Variants in DOCK11 observed in about 807,000 individuals in gnomAD.
DOCK11 encodes dedicator of cytokinesis 11, also known as dedicator of cytokinesis protein 11.
A neutral mutation model predicts 169.1 loss-of-function variants in DOCK11; 70 were observed. That is an observed-to-expected ratio of 0.41 (90% confidence interval 0.34 to 0.51). The LOEUF is 0.51. Among genes scored for constraint, DOCK11 ranks in the 20% least tolerant of loss-of-function variants. DOCK11 has a pLI of 0.10. For missense variants in DOCK11, 1,166 were observed against 1,538.8 expected (o/e 0.76, Z 4.05); for synonymous variants, 529 against 541.3 (o/e 0.98, Z 0.32).
intron 1 of DOCK11, chrX:118,538,715 G>A: frequency 1.3e-6 from 1 of 742,163 alleles, no homozygotes; most frequent in Non-Finnish European, 1.6e-6. Context: ...TTATTGTAAC[G>A]GGTTTTTGGA....
intron 1 of DOCK11, among the ~76,000 whole-genome samples, chrX:118,533,248 T>C (rs1046618157): frequency 9.0e-6 from 1 of 111,640 alleles, no homozygotes; most frequent in Non-Finnish European, 1.9e-5. Context: ...CACCACGGCC[T>C]CCCAAAGTGC....
At chrX:118,671,871 G>A (rs1206821269) in intron 46 of DOCK11, among the ~76,000 whole-genome samples, 1 of 112,064 alleles carries the variant, frequency 8.9e-6, no homozygotes, top group Non-Finnish European at 1.9e-5. Flanking sequence ...TAGAGACGGG[G>A]TTTCACCATG....
At chrX:118,552,337 C>T (rs367726075) in intron 6 of DOCK11, among the ~76,000 whole-genome samples, 60 of 111,679 alleles carry the variant, frequency 5.4e-4, no homozygotes, top group African/African-American at 1.9e-3. Context: ...TTCAAGTCGA[C>T]AGTTCTTGCA....
At chrX:118,545,274 T>G (rs768026226) in intron 4 of DOCK11, 49 bp from the exon 5 acceptor site, 2 of 919,186 alleles carry the variant, frequency 2.2e-6, no homozygotes, top group East Asian at 6.7e-5. Flanking sequence ...TGTTTTTCTT[T>G]TTTTTTTTGG....
chrX:118,527,211 A>T (rs774213702), intron 1 of DOCK11, among the ~76,000 whole-genome samples: 8 of 112,353 alleles, frequency 7.1e-5, no homozygotes, highest in African/African-American at 2.6e-4. Flanking sequence ...AACAACTTCT[A>T]CTGGTTTTAT....
At chrX:118,623,986 A>G (rs916378506) in intron 31 of DOCK11, among the ~76,000 whole-genome samples, 1 of 113,017 alleles carries the variant, frequency 8.8e-6, no homozygotes, top group Admixed American at 9.3e-5. Context: ...AAATATATCA[A>G]TCTCCCAAGT....
rs745932364 is a variant in DOCK11, at chrX:118,612,959, A to G, written c.3097-1733A>G. Among the ~76,000 whole-genome samples the G allele has an allele frequency of 3.6e-5, 4 of 111,625 alleles. No individual in the cohort carries two copies. In the South Asian group the frequency reaches 1.5e-3, roughly 42 times the overall value. On this transcript the variant is annotated intron_variant, in intron 28 of 52. Coordinates refer to ENST00000276202, the MANE Select transcript of DOCK11 (RefSeq NM_144658.4). ...GCTGGTATGATAGATGAAGTGAGGA[A>G]GAGACTCGAGTCAGGGCAACCGATT... is the stretch of plus-strand genomic sequence containing the variant.
intron 10 of DOCK11, among the ~76,000 whole-genome samples, chrX:118,568,896 T>C (rs2013172652): frequency 9.0e-6 from 1 of 111,179 alleles, no homozygotes; most frequent in Non-Finnish European, 1.9e-5. Context: ...GAAGACGAAA[T>C]TTTTTGGCTT....
intron 38 of DOCK11, among the ~76,000 whole-genome samples, chrX:118,640,369 G>T (rs1181421444): frequency 8.9e-6 from 1 of 112,225 alleles, no homozygotes; most frequent in Non-Finnish European, 1.9e-5. Flanking sequence ...GCTAGACCCT[G>T]AACTAATAGA....
At position 118,608,326 on chromosome X, in the gene DOCK11, A is replaced by G. The variant is rs1464245170; in HGVS notation, c.2847A>G (p.Ala949=). 2 of 1,209,592 alleles carry G rather than the reference A, an allele frequency of 1.7e-6. No homozygotes were observed. Among genetic ancestry groups the G allele is most frequent in the Non-Finnish European group, 2.2e-6 (2 of 894,919 alleles). ...TGATAGCAATATTGAAACAGTCTGC[A>G]GATTTTTTATCAATAAACAAATTGC... ...TTMIAILKQS[A]DFLSINKLLK... is the part of the protein sequence containing the mutation. The change falls in exon 26 of 53, where the codon GCA becomes GCG. Residue 949 remains alanine (A), a synonymous_variant. Coordinates refer to ENST00000276202, the MANE Select transcript of DOCK11 (RefSeq NM_144658.4).
chrX:118,610,363 C>T lies in DOCK11; in HGVS notation c.3041C>T (p.Ala1014Val), dbSNP rs759590551. ...AIIPHVTIRY[A>V]EIPDESRNVN... Reference sequence around the variant, plus strand: ...ATTCCCCATGTGACTATTCGGTATGCGGAGATTCCCGATGAGTCCAGAAAT... The same window carrying T: ...ATTCCCCATGTGACTATTCGGTATGTGGAGATTCCCGATGAGTCCAGAAAT... The change falls in exon 28 of 53, where the codon GCG becomes GTG. Residue 1014 changes from alanine to valine, a missense_variant. By Grantham distance (64) the Ala-to-Val change is moderately conservative (BLOSUM62 0). Coordinates refer to ENST00000276202, the MANE Select transcript of DOCK11 (RefSeq NM_144658.4). 82 of 1,210,699 alleles carry T rather than the reference C, an allele frequency of 6.8e-5. No homozygotes were observed. The highest frequency in any genetic ancestry group is 1.1e-4 in the Admixed American group (5 of 45,901).
chrX:118,556,683 G>A (rs539691179), intron 6 of DOCK11, among the ~76,000 whole-genome samples: 1 of 106,709 alleles, frequency 9.4e-6, no homozygotes, highest in African/African-American at 3.4e-5. Flanking sequence ...CTTGAATCCG[G>A]GAGGCAGAGG....
chrX:118,642,440 C>T (rs777966287), intron 39 of DOCK11, among the ~76,000 whole-genome samples: 1 of 112,159 alleles, frequency 8.9e-6, no homozygotes, highest in East Asian at 2.8e-4. Flanking sequence ...ATACCTGAAA[C>T]TGGTGAATTT....
intron 18 of DOCK11, among the ~76,000 whole-genome samples, chrX:118,589,850 C>A (rs1470021476): frequency 4.4e-5 from 5 of 112,446 alleles, no homozygotes; most frequent in African/African-American, 1.6e-4. Context: ...TGAGGGGGAG[C>A]CTCTCATATT....
chrX:118,602,094 CT>C (rs536697143), intron 23 of DOCK11, among the ~76,000 whole-genome samples: 2,790 of 74,617 alleles, frequency 0.037, 127 homozygotes, highest in African/African-American at 0.11. Flanking sequence ...CCGGCCAAGA[CT>C]TTTTTTTTTT....
At chrX:118,671,606 A>C (rs1339650774) in intron 46 of DOCK11, among the ~76,000 whole-genome samples, 3 of 112,215 alleles carry the variant, frequency 2.7e-5, no homozygotes, top group Non-Finnish European at 5.6e-5. Context: ...ATATTCATTT[A>C]TGTTTTCCAA....
chrX:118,584,878 C>T (rs1192195242), intron 15 of DOCK11, 21 bp downstream of exon 15: 3 of 1,179,082 alleles, frequency 2.5e-6, no homozygotes, highest in Non-Finnish European at 3.4e-6. Flanking sequence ...GGTGTTTCTG[C>T]AATAAGTAAA....
chrX:118,509,668 A>G (rs899649447), intron 1 of DOCK11, among the ~76,000 whole-genome samples: 2 of 112,472 alleles, frequency 1.8e-5, no homozygotes, highest in Non-Finnish European at 3.8e-5. Flanking sequence ...TTTATGGTCT[A>G]TTAGTTTCCT....
intron 1 of DOCK11, among the ~76,000 whole-genome samples, chrX:118,516,156 G>C (rs2057686281): frequency 1.2e-5 from 1 of 80,091 alleles, no homozygotes; most frequent in Non-Finnish European, 2.2e-5. Flanking sequence ...GCAGTGGCAT[G>C]ATCTCGACTC....
Sources: gnomAD v4.1 joint callset for allele counts (sites outside exome capture counted in the v4.1 genomes callset) on GRCh38, gnomAD v4.1.1 for gene constraint, MANE v1.5 for transcripts, NCBI Gene and HGNC (gene_info 2026-07-23, HGNC 2026-07-21) for gene names.